Variants in UNC5D observed in about 807,000 individuals in gnomAD.
The protein encoded by UNC5D is netrin receptor UNC5D.
UNC5D carries 39 observed loss-of-function variants against 105.4 expected under a neutral mutation model. The observed-to-expected ratio is 0.37, with a 90% CI of 0.29 to 0.48. UNC5D has a LOEUF of 0.48. Among genes scored for constraint, UNC5D ranks in the 20% least tolerant of loss-of-function variants. The pLI is 0.98. For synonymous variants in UNC5D, 452 were observed against 450.4 expected, an observed-to-expected ratio of 1.00 and a Z score of -0.04; for missense variants, 991 against 1,202.4, an observed-to-expected ratio of 0.82 and a Z score of 2.60.
chr8:35,548,454 T>C (rs573876642), intron 1 of UNC5D, among the ~76,000 whole-genome samples: 2 of 152,290 alleles, frequency 1.3e-5, no homozygotes, highest in South Asian at 4.1e-4. Context: ...GCCTTTGATT[T>C]TGTGGCAGTT....
At chr8:35,413,963 A>G (rs902180953) in intron 1 of UNC5D, among the ~76,000 whole-genome samples, 5 of 152,062 alleles carry the variant, frequency 3.3e-5, no homozygotes, top group African/African-American at 1.2e-4. Context: ...TTTAAAAAAG[A>G]CTTGTTCTAG....
chr8:35,555,811 C>A, intron 2 of UNC5D, among the ~76,000 whole-genome samples: 1 of 143,960 alleles, frequency 6.9e-6, no homozygotes, highest in African/African-American at 2.6e-5. Context: ...GCCAACAGAG[C>A]AAGACTCCAC....
chr8:35,442,900 TCTCTCACA>T (rs1807517255), intron 1 of UNC5D, among the ~76,000 whole-genome samples: 2 of 135,140 alleles, frequency 1.5e-5, no homozygotes, highest in South Asian at 2.3e-4. Context: ...TCTCTCTCTC[TCTCTCACA>T]CACACACACA....
chr8:35,246,201 C>T (rs1803084930), intron 1 of UNC5D, among the ~76,000 whole-genome samples: 1 of 152,052 alleles, frequency 6.6e-6, no homozygotes, highest in African/African-American at 2.4e-5. Context: ...GTGATGCCGC[C>T]CTTTGTTTTC....
chr8:35,312,183 C>T (rs79445314), intron 1 of UNC5D, among the ~76,000 whole-genome samples: 7,061 of 152,154 alleles, frequency 0.046, 240 homozygotes, highest in Non-Finnish European at 0.068. Flanking sequence ...TGTCATCACC[C>T]GGCTTCTGAA....
At chr8:35,553,452 A>G (rs534139156) in intron 2 of UNC5D, among the ~76,000 whole-genome samples, 1 of 152,276 alleles carries the variant, frequency 6.6e-6, no homozygotes, top group South Asian at 2.1e-4. Flanking sequence ...TTATATACCG[A>G]TTTTTAAAAA....
At chr8:35,610,557 C>T (rs1051699248) in intron 4 of UNC5D, among the ~76,000 whole-genome samples, 4 of 152,036 alleles carry the variant, frequency 2.6e-5, no homozygotes, top group African/African-American at 7.2e-5. Flanking sequence ...CTCTGTCCTT[C>T]GAAGGGCAAG....
intron 1 of UNC5D, among the ~76,000 whole-genome samples, chr8:35,470,875 G>A (rs1421639157): frequency 6.6e-6 from 1 of 152,112 alleles, no homozygotes; most frequent in Non-Finnish European, 1.5e-5. Context: ...TAGCAGCATT[G>A]GGTGAGAACA....
chr8:35,462,221 G>A (rs1226705090), intron 1 of UNC5D, among the ~76,000 whole-genome samples: 1 of 150,438 alleles, frequency 6.6e-6, no homozygotes, highest in Non-Finnish European at 1.5e-5. Context: ...TCTTTTAAAG[G>A]TTTTTTTTTA....
chr8:35,463,396 C>T (rs571665971), intron 1 of UNC5D, among the ~76,000 whole-genome samples: 20 of 152,246 alleles, frequency 1.3e-4, no homozygotes, highest in Admixed American at 3.9e-4. Flanking sequence ...GTAGGGATTA[C>T]GTTGTGAAAG....
chr8:35,740,969 T>C (rs1829729093), intron 11 of UNC5D, among the ~76,000 whole-genome samples: 2 of 152,070 alleles, frequency 1.3e-5, no homozygotes, highest in Non-Finnish European at 2.9e-5. Flanking sequence ...GTGGTGGATA[T>C]AAAAAAATGC....
chr8:35,425,305 C>T (rs547046246), intron 1 of UNC5D, among the ~76,000 whole-genome samples: 8 of 152,232 alleles, frequency 5.3e-5, no homozygotes, highest in East Asian at 3.9e-4. Context: ...AAAAACTTGG[C>T]GTAGAAACCA....
intron 3 of UNC5D, among the ~76,000 whole-genome samples, chr8:35,588,436 A>G (rs562744544): frequency 6.6e-6 from 1 of 152,284 alleles, no homozygotes; most frequent in South Asian, 2.1e-4. Context: ...TAGGCCTGTG[A>G]GATTCTCTGC....
chr8:35,661,979 G>T (rs1267672042), intron 4 of UNC5D, among the ~76,000 whole-genome samples: 1 of 152,026 alleles, frequency 6.6e-6, no homozygotes, highest in Non-Finnish European at 1.5e-5. Context: ...ACATGCTGGG[G>T]CTAAGGACCT....
intron 1 of UNC5D, among the ~76,000 whole-genome samples, chr8:35,332,380 A>T (rs532166553): frequency 1.3e-5 from 2 of 152,330 alleles, no homozygotes; most frequent in African/African-American, 4.8e-5. Context: ...TCCACTGAGG[A>T]TAGTGACAAT....
chr8:35,586,239 A>G (rs1009541506), intron 3 of UNC5D, among the ~76,000 whole-genome samples: 2 of 152,168 alleles, frequency 1.3e-5, no homozygotes, highest in African/African-American at 4.8e-5. Context: ...GCACCACTGC[A>G]CTCCAGCCTA....
At chr8:35,444,247 A>G (rs968676643) in intron 1 of UNC5D, among the ~76,000 whole-genome samples, 1 of 152,020 alleles carries the variant, frequency 6.6e-6, no homozygotes. Flanking sequence ...TACTCTTTAA[A>G]CATTCTGCTA....
At chr8:35,749,658 G>T (rs749213249) in intron 12 of UNC5D, among the ~76,000 whole-genome samples, 1 of 152,136 alleles carries the variant, frequency 6.6e-6, no homozygotes, top group Admixed American at 6.5e-5. Context: ...ATTTCCTGGG[G>T]CATGAAGTTC....
At chr8:35,502,157 G>A (rs1427953836) in intron 1 of UNC5D, among the ~76,000 whole-genome samples, 2 of 152,176 alleles carry the variant, frequency 1.3e-5, no homozygotes, top group East Asian at 3.9e-4. Flanking sequence ...TTTATGGGAA[G>A]TTATCCCTCA....
Sources: gnomAD v4.1 joint callset for allele counts (sites outside exome capture counted in the v4.1 genomes callset) on GRCh38, gnomAD v4.1.1 for gene constraint, MANE v1.5 for transcripts, NCBI Gene and HGNC (gene_info 2026-07-23, HGNC 2026-07-21) for gene names.